The following CHRM3 variants were observed in gnomAD, a reference collection of about 807,000 sequenced individuals.
CHRM3 encodes the protein muscarinic acetylcholine receptor M3.
CHRM3 carries 11 observed loss-of-function variants against 41.8 expected under a neutral mutation model. That is an observed-to-expected ratio of 0.26 (90% CI 0.17 to 0.44). The LOEUF is 0.44. Among genes scored for constraint, CHRM3 ranks in the 20% least tolerant of loss-of-function variants. CHRM3 has a pLI of 1.00. For missense variants in CHRM3, 571 were observed against 745.4 expected, an observed-to-expected ratio of 0.77 and a Z score of 2.72; for synonymous variants, 297 against 301.4, an observed-to-expected ratio of 0.99 and a Z score of 0.15.
chr1:239,743,794 T>C (rs1433126370), intron 5 of CHRM3, among the ~76,000 whole-genome samples: 104 of 131,366 alleles, frequency 7.9e-4, no homozygotes, highest in African/African-American at 1.8e-3. Flanking sequence ...TTTTCTTTTT[T>C]TTTTTTTTTT....
intron 5 of CHRM3, among the ~76,000 whole-genome samples, chr1:239,746,888 G>A (rs1665409788): frequency 6.6e-6 from 1 of 151,976 alleles, no homozygotes; most frequent in Admixed American, 6.6e-5. Context: ...CTCCCGAGTA[G>A]CTGGGACTAC....
chr1:239,744,021 A>G (rs1260887633), intron 5 of CHRM3, among the ~76,000 whole-genome samples: 2 of 147,158 alleles, frequency 1.4e-5, no homozygotes, highest in South Asian at 2.1e-4. Context: ...TGTTGCTCAG[A>G]CTGGTCTCAA....
chr1:239,709,122 T>C (rs1216593728), intron 5 of CHRM3, among the ~76,000 whole-genome samples: 1 of 152,158 alleles, frequency 6.6e-6, no homozygotes, highest in Non-Finnish European at 1.5e-5. Context: ...GTACAATGCT[T>C]TCTTTTACTT....
intron 2 of CHRM3, among the ~76,000 whole-genome samples, chr1:239,529,574 T>C (rs1260218714): frequency 2.1e-5 from 3 of 140,170 alleles, no homozygotes; most frequent in Admixed American, 8.0e-5. Context: ...ATCGTGTTGC[T>C]GCACTCTAGC....
At chr1:239,621,515 G>C (rs1168823198) in intron 3 of CHRM3, among the ~76,000 whole-genome samples, 1 of 152,142 alleles carries the variant, frequency 6.6e-6, no homozygotes, top group Non-Finnish European at 1.5e-5. Flanking sequence ...AGTTCATGAA[G>C]GAAATGAAAA....
chr1:239,580,307 C>T (rs949933056), intron 3 of CHRM3, among the ~76,000 whole-genome samples: 24 of 113,490 alleles, frequency 2.1e-4, no homozygotes, highest in African/African-American at 7.7e-4. Flanking sequence ...CACACACACA[C>T]ATCAAAAATT....
intron 6 of CHRM3, among the ~76,000 whole-genome samples, chr1:239,891,816 G>A (rs1444339392): frequency 2.6e-5 from 4 of 152,198 alleles, no homozygotes; most frequent in Admixed American, 2.6e-4. Flanking sequence ...ATCAGGCAAA[G>A]AAGGAGGGGT....
intron 5 of CHRM3, among the ~76,000 whole-genome samples, chr1:239,764,168 C>T (rs974299608): frequency 6.6e-6 from 1 of 151,774 alleles, no homozygotes; most frequent in African/African-American, 2.4e-5. Flanking sequence ...CCCCATTGTG[C>T]CAGAGTTAGT....
At chr1:239,696,506 A>G (rs1207902861) in intron 5 of CHRM3, among the ~76,000 whole-genome samples, 3 of 152,094 alleles carry the variant, frequency 2.0e-5, no homozygotes, top group Admixed American at 1.3e-4. Context: ...CAACTTCCTC[A>G]TCTTTAAAAT....
intron 3 of CHRM3, chr1:239,546,264 CA>C (rs1180475553): frequency 6.6e-6 from 1 of 152,116 alleles, no homozygotes; most frequent in African/African-American, 2.4e-5. Flanking sequence ...ATTTCAGCTC[CA>C]GCATTTATCC....
chr1:239,618,627 G>C (rs191692865), intron 3 of CHRM3, among the ~76,000 whole-genome samples: 1 of 151,458 alleles, frequency 6.6e-6, no homozygotes, highest in Non-Finnish European at 1.5e-5. Context: ...GTCGGATCAC[G>C]AGGTCAGGAG....
At chr1:239,614,205 C>T (rs900072911) in intron 3 of CHRM3, among the ~76,000 whole-genome samples, 3 of 152,090 alleles carry the variant, frequency 2.0e-5, no homozygotes, top group Non-Finnish European at 4.4e-5. Context: ...TAGAAGGATA[C>T]AAGCTCGCAT....
intron 5 of CHRM3, among the ~76,000 whole-genome samples, chr1:239,757,064 A>G (rs1666304369): frequency 6.6e-6 from 1 of 152,202 alleles, no homozygotes. Flanking sequence ...ACTTGACAAT[A>G]AAATTACCAT....
In CHRM3 at chr1:239,437,593, A is replaced by G. The variant is rs548674469; in HGVS notation, c.-521+50366A>G. Among the ~76,000 whole-genome samples, 186 of 152,140 alleles carry G rather than the reference A, an allele frequency of 1.2e-3. 1 individual carries two copies. The highest frequency in any genetic ancestry group is 4.4e-3 in the African/African-American group (182 of 41,502). On this transcript the variant is annotated intron_variant, in intron 1 of 6. Transcript: ENST00000676153. ...TCTCTGTCACCCAGGCTGAAGTGCA[A>G]TGGCACGATCTCGGCTCACTGCAAT... is the stretch of plus-strand genomic sequence containing the variant.
At chr1:239,434,130 A>G (rs949391244) in intron 1 of CHRM3, among the ~76,000 whole-genome samples, 4 of 152,188 alleles carry the variant, frequency 2.6e-5, no homozygotes, top group Non-Finnish European at 5.9e-5. Context: ...TCCCATCTCA[A>G]AGCTCTATTT....
intron 2 of CHRM3, among the ~76,000 whole-genome samples, chr1:239,496,537 G>T (rs939363949): frequency 1.2e-4 from 16 of 138,992 alleles, no homozygotes; most frequent in Middle Eastern, 3.8e-3. Context: ...GTGTGTGTGT[G>T]TGTGTGTATA....
At chr1:239,483,408 C>G (rs118115330) in intron 1 of CHRM3, among the ~76,000 whole-genome samples, 1 of 152,102 alleles carries the variant, frequency 6.6e-6, no homozygotes, top group Non-Finnish European at 1.5e-5. Flanking sequence ...TTCCTGTGTA[C>G]GGTCCTGGAA....
At chr1:239,863,102 C>T (rs755467575) in intron 6 of CHRM3, among the ~76,000 whole-genome samples, 42 of 152,136 alleles carry the variant, frequency 2.8e-4, no homozygotes, top group Non-Finnish European at 4.6e-4. Flanking sequence ...TGATAAAGGA[C>T]GGAGCCAAAA....
intron 5 of CHRM3, among the ~76,000 whole-genome samples, chr1:239,680,831 C>CT (rs1007141577): frequency 1.1e-4 from 16 of 148,212 alleles, no homozygotes; most frequent in East Asian, 3.9e-4. Context: ...GCGGAGGAGA[C>CT]TTTTTTTTTT....
Sources: allele counts gnomAD v4.1 joint callset (sites outside exome capture counted in the v4.1 genomes callset), GRCh38; gene constraint gnomAD v4.1.1; transcripts MANE v1.5; gene names NCBI Gene and HGNC (gene_info 2026-07-23, HGNC 2026-07-21).